Variants in RAB3C observed in about 807,000 individuals in gnomAD.
RAB3C encodes RAB3C, member RAS oncogene family.
In RAB3C, 17 loss-of-function variants were observed where a neutral mutation model predicts 26.4. The ratio of observed to expected loss-of-function variants is 0.64; its 90% confidence interval spans 0.44 to 0.97. The LOEUF (loss-of-function observed/expected upper bound fraction) is 0.97. Among genes scored for constraint, RAB3C ranks in the 50% least tolerant of loss-of-function variants. The pLI is 0.00. For synonymous variants in RAB3C, 91 were observed against 95.9 expected (o/e 0.95, Z 0.30); for missense variants, 242 against 281.9 (o/e 0.86, Z 1.01).
intron 3 of RAB3C, among the ~76,000 whole-genome samples, chr5:58,803,959 C>G (rs973539457): frequency 6.6e-6 from 1 of 151,794 alleles, no homozygotes; most frequent in Non-Finnish European, 1.5e-5. Flanking sequence ...ACTCGGGAGG[C>G]TGAGGCAGGA....
chr5:58,740,969 C>G (rs1264951105), intron 3 of RAB3C, among the ~76,000 whole-genome samples: 1 of 152,210 alleles, frequency 6.6e-6, no homozygotes, highest in Non-Finnish European at 1.5e-5. Flanking sequence ...GGGCCACCCT[C>G]ACTTCTGACC....
intron 2 of RAB3C, among the ~76,000 whole-genome samples, chr5:58,656,898 GA>G (rs1460611205): frequency 1.3e-5 from 2 of 152,192 alleles, no homozygotes; most frequent in African/African-American, 4.8e-5. Context: ...CTACCCAGAG[GA>G]AAAGAAGTCA....
intron 1 of RAB3C, among the ~76,000 whole-genome samples, chr5:58,600,341 T>C (rs927049080): frequency 1.3e-5 from 2 of 152,148 alleles, no homozygotes; most frequent in African/African-American, 4.8e-5. Flanking sequence ...TGGTTTCATA[T>C]GAATTTTAGA....
chr5:58,652,231 A>G (rs1346937594), intron 2 of RAB3C, among the ~76,000 whole-genome samples: 1 of 151,652 alleles, frequency 6.6e-6, no homozygotes, highest in African/African-American at 2.4e-5. Context: ...TCTCTAAGGA[A>G]TTGTCCCATA....
intron 1 of RAB3C, among the ~76,000 whole-genome samples, chr5:58,608,733 G>A (rs1746626770): frequency 6.6e-6 from 1 of 152,162 alleles, no homozygotes; most frequent in South Asian, 2.1e-4. Flanking sequence ...AAAGACACAT[G>A]CACATGTATA....
chr5:58,719,447 G>A (rs115687515), intron 2 of RAB3C, among the ~76,000 whole-genome samples: 3,619 of 152,032 alleles, frequency 0.024, 133 homozygotes, highest in African/African-American at 0.082. Flanking sequence ...TACTAACAGT[G>A]TGTGTGGGTA....
intron 3 of RAB3C, among the ~76,000 whole-genome samples, chr5:58,748,042 T>C (rs976662600): frequency 2.6e-5 from 4 of 152,136 alleles, no homozygotes; most frequent in African/African-American, 9.7e-5. Flanking sequence ...GTAATAATAA[T>C]AACAAAATGT....
At position 58,855,867 on chromosome 5, in the gene RAB3C, GT is replaced by G. The variant is rs1448748262; in HGVS notation, c.*4518del. On this transcript the variant is annotated 3_prime_UTR_variant, in exon 5 of 5. Transcript: ENST00000282878. ...GTACCCCCTAACAGGGAAAAACCAA[GT>G]TGGGGGATTTATCTAAAATGTATCT... 6.6e-6 allele frequency: 1 copy of G among 152,170 alleles called. No homozygotes were observed. The highest frequency in any genetic ancestry group is 2.4e-5 in the African/African-American group (1 of 41,442). 9.4% of individuals were successfully genotyped at this position (152,170 alleles called of 1,614,324 possible).
intron 2 of RAB3C, among the ~76,000 whole-genome samples, chr5:58,628,980 C>G (rs949654565): frequency 1.4e-4 from 17 of 123,306 alleles, no homozygotes; most frequent in African/African-American, 5.4e-4. Context: ...CTTGAGTACC[C>G]AGAAGTTCAA....
chr5:58,728,438 T>G (rs1740934849), intron 3 of RAB3C, among the ~76,000 whole-genome samples: 1 of 152,100 alleles, frequency 6.6e-6, no homozygotes, highest in Non-Finnish European at 1.5e-5. Context: ...ATTGCCAATG[T>G]GTTAATCCAA....
chr5:58,704,885 A>G (rs576029762), intron 2 of RAB3C, among the ~76,000 whole-genome samples: 2 of 152,320 alleles, frequency 1.3e-5, no homozygotes, highest in African/African-American at 4.8e-5. Flanking sequence ...ATTAGTTAGC[A>G]CAATAAGAAA....
At chr5:58,587,766 TGA>T (rs1746042228) in intron 1 of RAB3C, among the ~76,000 whole-genome samples, 9 of 152,136 alleles carry the variant, frequency 5.9e-5, no homozygotes, top group Admixed American at 5.9e-4. Context: ...GACTTGAACT[TGA>T]GATCCCTGGG....
In RAB3C at chr5:58,615,293, G is replaced by T. The variant is rs143530270; in HGVS notation, c.25-2350G>T. Among the ~76,000 whole-genome samples the T allele has an allele frequency of 1.6e-3, 242 of 152,232 alleles. 1 individual carries two copies. Among genetic ancestry groups the T allele is most frequent in the African/African-American group, 5.5e-3 (230 of 41,552 alleles). On this transcript the variant is annotated intron_variant, in intron 1 of 4. Transcript: ENST00000282878. ...AGTGAGCAGCTCTAGGAAATATATA[G>T]TGTCTCTTTTCTGGCTGTGGCTTAG... is the stretch of plus-strand genomic sequence containing the variant.
intron 2 of RAB3C, among the ~76,000 whole-genome samples, chr5:58,628,768 A>T (rs1013830783): frequency 6.6e-6 from 1 of 152,214 alleles, no homozygotes; most frequent in Non-Finnish European, 1.5e-5. Flanking sequence ...GCTGGGATTC[A>T]GAGGGTGCCT....
At chr5:58,784,252 C>A (rs925033977) in intron 3 of RAB3C, among the ~76,000 whole-genome samples, 4 of 152,160 alleles carry the variant, frequency 2.6e-5, no homozygotes, top group African/African-American at 7.2e-5. Context: ...TCTCATGCTG[C>A]TAATACATAC....
intron 4 of RAB3C, among the ~76,000 whole-genome samples, chr5:58,847,910 C>A (rs1744038306): frequency 6.6e-6 from 1 of 151,994 alleles, no homozygotes; most frequent in African/African-American, 2.4e-5. Context: ...GGCTGGAGTG[C>A]CAGTGGTGCG....
At position 58,726,138 on chromosome 5, in the gene RAB3C, C is replaced by G. The variant is rs374343295; in HGVS notation, c.371+18C>G. 1 of 1,216,316 alleles carries G rather than the reference C, an allele frequency of 8.2e-7. No homozygotes were observed. Among genetic ancestry groups the G allele is most frequent in the Non-Finnish European group, 1.2e-6 (1 of 836,650 alleles). The allele number at this position is 1,216,316 out of a possible 1,614,324, so 75.3% of individuals were successfully genotyped here. ...CAAGATTGGTAAGTCAGAGCAAATA[C>G]TCTTATTACTGATAATGATGGTTCT... is the stretch of plus-strand genomic sequence containing the variant. On this transcript the variant is annotated intron_variant, in intron 3 of 4. Transcript: ENST00000282878.
chr5:58,608,234 G>A (rs1746614287), intron 1 of RAB3C, among the ~76,000 whole-genome samples: 1 of 151,988 alleles, frequency 6.6e-6, no homozygotes, highest in Non-Finnish European at 1.5e-5. Flanking sequence ...AGGGATGGAG[G>A]AAGATCTACC....
chr5:58,614,352 T>C (rs1746778758), intron 1 of RAB3C, among the ~76,000 whole-genome samples: 1 of 152,100 alleles, frequency 6.6e-6, no homozygotes, highest in Non-Finnish European at 1.5e-5. Flanking sequence ...GCTGTTTCTT[T>C]CTTCATCCTC....
Sources: gnomAD v4.1 joint callset for allele counts (sites outside exome capture counted in the v4.1 genomes callset) on GRCh38, gnomAD v4.1.1 for gene constraint, MANE v1.5 for transcripts, NCBI Gene and HGNC (gene_info 2026-07-23, HGNC 2026-07-21) for gene names.